The following NECAB1 variants were observed in gnomAD, a reference collection of about 807,000 sequenced individuals.
NECAB1 encodes the protein N-terminal EF-hand calcium binding protein 1.
Under a neutral mutation model 57.5 loss-of-function variants are expected in NECAB1, and 29 were observed. The observed-to-expected ratio is 0.50, with a 90% CI of 0.38 to 0.69. NECAB1 has a LOEUF of 0.69. Ranked by LOEUF, NECAB1 falls within the 30% of genes least tolerant of loss-of-function variation. The pLI is 0.00. For missense variants in NECAB1, 372 were observed against 413.8 expected (o/e 0.90, Z 0.88); for synonymous variants, 142 against 147.7 (o/e 0.96, Z 0.28).
chr8:90,916,497 C>A (rs1472017019), intron 5 of NECAB1, among the ~76,000 whole-genome samples: 2 of 152,116 alleles, frequency 1.3e-5, no homozygotes, highest in Admixed American at 1.3e-4. Context: ...TGTGTTATCA[C>A]CCTCAGTCGT....
chr8:90,913,297 C>T (rs868531572), intron 5 of NECAB1, among the ~76,000 whole-genome samples: 1 of 150,692 alleles, frequency 6.6e-6, no homozygotes, highest in South Asian at 2.1e-4. Context: ...TTTGGCTTTC[C>T]GCAGACAAAA....
chr8:90,951,093 A>T lies in NECAB1; in HGVS notation c.939-20A>T. On this transcript the variant is annotated intron_variant, in intron 11 of 12. Transcript: ENST00000417640. ...TTGTAAATAAAAATGCACAGCCTTA[A>T]CCTATAATTATTTATACAGCCACCT... The T allele has an allele frequency of 6.9e-7, 1 of 1,453,786 alleles. No individual in the cohort carries two copies. Among genetic ancestry groups the T allele is most frequent in the Non-Finnish European group, 9.5e-7 (1 of 1,047,736 alleles). 90.1% of individuals were successfully genotyped at this position (1,453,786 alleles called of 1,614,324 possible).
Position 90,949,682 on chromosome 8 carries a change from A to G in NECAB1, c.861-125A>G, listed in dbSNP as rs544054814. ...TGACAAATCTGTTTGATTTTCATGC[A>G]GGCACCTTAGATTGTTTCCTCTATT... On this transcript the variant is annotated intron_variant, in intron 10 of 12. Coordinates refer to ENST00000417640, the MANE Select transcript of NECAB1 (RefSeq NM_022351.5). 8.4e-5 allele frequency: 40 copies of G among 474,768 alleles called. 1 individual carries two copies. Among genetic ancestry groups the G allele is most frequent in the Admixed American group, 5.6e-4 (15 of 26,700 alleles). The allele number at this position is 474,768 out of a possible 1,614,324, so 29.4% of individuals were successfully genotyped here. A position where few individuals can be genotyped will look rare whatever the true frequency, so the allele number is the denominator to read the frequency against.
chr8:90,906,883 A>ATATGTATATATATATATATATGTATG (rs1554574057), intron 5 of NECAB1, among the ~76,000 whole-genome samples: 9 of 80,770 alleles, frequency 1.1e-4, no homozygotes, highest in African/African-American at 4.3e-4. Flanking sequence ...ACACATATAT[A>ATATGTATATATATATATATATGTATG]TATATATATA....
At chr8:90,871,765 G>A (rs950192554) in intron 3 of NECAB1, among the ~76,000 whole-genome samples, 1 of 152,066 alleles carries the variant, frequency 6.6e-6, no homozygotes, top group Non-Finnish European at 1.5e-5. Flanking sequence ...TGGGTCAGAC[G>A]AATTGAGACA....
At chr8:90,825,927 A>G (rs1439843033) in intron 3 of NECAB1, among the ~76,000 whole-genome samples, 1 of 151,844 alleles carries the variant, frequency 6.6e-6, no homozygotes. Flanking sequence ...TTATGGTTTT[A>G]TGGAGAAATA....
At chr8:90,898,617 T>G (rs1166607065) in intron 5 of NECAB1, among the ~76,000 whole-genome samples, 1 of 152,198 alleles carries the variant, frequency 6.6e-6, no homozygotes, top group African/African-American at 2.4e-5. Flanking sequence ...TCATTGCATC[T>G]TCTATAATGC....
rs1225564146 is a variant in NECAB1 at position 90,905,240 on chromosome 8, TACAGGA to T, written c.358-12243_358-12238del. On this transcript the variant is annotated intron_variant, in intron 5 of 12. Coordinates refer to ENST00000417640, the MANE Select transcript of NECAB1 (RefSeq NM_022351.5). Reference sequence around the variant, plus strand: ...CATAATAGCAAATGATTTGGCAAAATACAGGAACAGGAACTTCAGAAAGAAGCCAGG... The same window carrying T: ...CATAATAGCAAATGATTTGGCAAAATACAGGAACTTCAGAAAGAAGCCAGG... Among the ~76,000 whole-genome samples, 6 of 152,062 alleles carry T rather than the reference TACAGGA, an allele frequency of 3.9e-5. No homozygotes were observed. In the East Asian group the frequency reaches 1.2e-3, roughly 29 times the overall value.
At chr8:90,841,081 C>A (rs1812446871) in intron 3 of NECAB1, among the ~76,000 whole-genome samples, 1 of 149,794 alleles carries the variant, frequency 6.7e-6, no homozygotes, top group Non-Finnish European at 1.5e-5. Context: ...CATGTGAAAC[C>A]CTGCCTCTAC....
At chr8:90,838,404 A>T (rs1476347910) in intron 3 of NECAB1, among the ~76,000 whole-genome samples, 1 of 152,254 alleles carries the variant, frequency 6.6e-6, no homozygotes, top group Admixed American at 6.5e-5. Context: ...TACATTTAAG[A>T]AACACTAATA....
intron 3 of NECAB1, among the ~76,000 whole-genome samples, chr8:90,838,114 A>G (rs1242895088): frequency 6.6e-6 from 1 of 152,332 alleles, no homozygotes; most frequent in East Asian, 1.9e-4. Context: ...ATTTTGTTGA[A>G]TGTACGAAAA....
intron 2 of NECAB1, among the ~76,000 whole-genome samples, chr8:90,811,293 T>G (rs1811956004): frequency 6.7e-6 from 1 of 149,996 alleles, no homozygotes; most frequent in South Asian, 2.2e-4. Context: ...AGCACAACTC[T>G]GCTACAGCGA....
intron 6 of NECAB1, among the ~76,000 whole-genome samples, chr8:90,922,486 A>AGTTTTTTTTTTTTTTTTTTTTTTTTT (rs1554576090): frequency 1.7e-5 from 1 of 57,512 alleles, no homozygotes; most frequent in Admixed American, 3.0e-4. Flanking sequence ...AAAAACTTGG[A>AGTTTTTTTTTTTTTTTTTTTTTTTTT]TTTTTTTTTT....
At chr8:90,808,722 T>G (rs933887437) in intron 2 of NECAB1, among the ~76,000 whole-genome samples, 1 of 140,658 alleles carries the variant, frequency 7.1e-6, no homozygotes, top group Non-Finnish European at 1.5e-5. Context: ...CTCGGCTCAC[T>G]GCAACCTCCA....
intron 2 of NECAB1, among the ~76,000 whole-genome samples, chr8:90,823,989 G>A (rs1347516967): frequency 1.3e-5 from 2 of 151,358 alleles, no homozygotes; most frequent in Admixed American, 6.6e-5. Flanking sequence ...TCCAAAGTCA[G>A]GGGTGAATGC....
intron 2 of NECAB1, chr8:90,806,498 A>C (rs1274684424): frequency 6.6e-6 from 1 of 152,252 alleles, no homozygotes; most frequent in African/African-American, 2.4e-5. Context: ...TTGTTTATTA[A>C]TTAATAATGT....
intron 5 of NECAB1, among the ~76,000 whole-genome samples, chr8:90,898,652 T>C (rs1281732615): frequency 6.6e-6 from 1 of 152,208 alleles, no homozygotes; most frequent in Non-Finnish European, 1.5e-5. Flanking sequence ...CCATCTGTCC[T>C]TTTCACACTT....
intron 11 of NECAB1, 144 bp downstream of exon 11, chr8:90,950,028 A>G (rs1810893322): frequency 5.7e-6 from 3 of 526,538 alleles, no homozygotes; most frequent in Non-Finnish European, 1.0e-5. Context: ...TGAATTCTAC[A>G]CACTTTAAAA....
At chr8:90,796,243 C>T (rs1024379239) in intron 1 of NECAB1, among the ~76,000 whole-genome samples, 4 of 152,082 alleles carry the variant, frequency 2.6e-5, no homozygotes, top group African/African-American at 9.7e-5. Context: ...CCCATCTGAC[C>T]CCAGGCAGTC....
Sources: gnomAD v4.1 joint callset for allele counts (sites outside exome capture counted in the v4.1 genomes callset) on GRCh38, gnomAD v4.1.1 for gene constraint, MANE v1.5 for transcripts, NCBI Gene and HGNC (gene_info 2026-07-23, HGNC 2026-07-21) for gene names.